VWA8: variants seen among roughly 807,000 people sequenced by gnomAD.
The protein encoded by VWA8 is von Willebrand factor A domain containing 8.
VWA8 carries 221 observed loss-of-function variants against 241.5 expected under a neutral mutation model. That is an observed-to-expected ratio of 0.91 (90% CI 0.82 to 1.02). VWA8 has a LOEUF of 1.02. Ranked by LOEUF, VWA8 falls within the 50% of genes least tolerant of loss-of-function variation. The probability of loss-of-function intolerance (pLI) is 0.00; values close to 1 mark genes in which losing one functional copy is unlikely to be tolerated. For missense variants in VWA8, 2,322 were observed against 2,328.7 expected, an observed-to-expected ratio of 1.00 and a Z score of 0.06; for synonymous variants, 852 against 827.1, an observed-to-expected ratio of 1.03 and a Z score of -0.52.
rs1254628937 is a variant in VWA8, at chr13:41,670,930, T to G, written c.4611+16A>C. The G allele has an allele frequency of 9.3e-6, 15 of 1,612,604 alleles. No homozygotes were observed. The highest frequency in any genetic ancestry group is 1.3e-5 in the Non-Finnish European group (15 of 1,179,610). On this transcript the variant is annotated intron_variant, in intron 37 of 44. Transcript: ENST00000379310. Reference sequence around the variant, plus strand: ...GAATGTGCACCTCTAAGAGATAAGGTGAATTCAAATGGTACCTGCATATTT... The same window carrying G: ...GAATGTGCACCTCTAAGAGATAAGGGGAATTCAAATGGTACCTGCATATTT...
intron 40 of VWA8, among the ~76,000 whole-genome samples, chr13:41,592,012 C>A (rs2044458351): frequency 6.7e-6 from 1 of 149,514 alleles, no homozygotes; most frequent in African/African-American, 2.5e-5. Context: ...AAGACACATG[C>A]ACACGTATGT....
At chr13:41,643,658 A>G (rs2044811560) in intron 37 of VWA8, among the ~76,000 whole-genome samples, 2 of 152,190 alleles carry the variant, frequency 1.3e-5, no homozygotes, top group African/African-American at 4.8e-5. Context: ...GTTGCTTGGT[A>G]TGTCCCTTAT....
chr13:41,606,132 TATCTC>T (rs1159258616), intron 39 of VWA8, among the ~76,000 whole-genome samples: 1 of 152,146 alleles, frequency 6.6e-6, no homozygotes, highest in African/African-American at 2.4e-5. Context: ...TCTGTGCTCT[TATCTC>T]ACTTCATTCC....
At chr13:41,728,335 T>G (rs1243169568) in intron 23 of VWA8, among the ~76,000 whole-genome samples, 1 of 152,060 alleles carries the variant, frequency 6.6e-6, no homozygotes, top group Non-Finnish European at 1.5e-5. Flanking sequence ...ATGAAAAATT[T>G]AAAAAGTAAA....
rs114351728 is a variant in VWA8 at position 41,861,805 on chromosome 13, A to G, written c.1425+3931T>C. Reference sequence around the variant, plus strand: ...ACACTGCTGAAAGAAATCAGAGATTAGACAAACAAGTGAAAAAAACATGCT... The same window carrying G: ...ACACTGCTGAAAGAAATCAGAGATTGGACAAACAAGTGAAAAAAACATGCT... On this transcript the variant is annotated intron_variant, in intron 12 of 44. Coordinates refer to ENST00000379310, the MANE Select transcript of VWA8 (RefSeq NM_015058.2). Among the ~76,000 whole-genome samples the G allele has an allele frequency of 9.2e-3, 1,400 of 152,340 alleles. 33 individuals are homozygous for G. Among genetic ancestry groups the G allele is most frequent in the African/African-American group, 0.03 (1,257 of 41,578 alleles).
chr13:41,801,574 T>G (rs114137384), intron 17 of VWA8, among the ~76,000 whole-genome samples: 1,674 of 152,336 alleles, frequency 0.011, 32 homozygotes, highest in African/African-American at 0.039. Context: ...CTGGAAATTG[T>G]TCTTAATCTT....
chr13:41,689,745 T>C (rs1222709130), intron 33 of VWA8, among the ~76,000 whole-genome samples: 22 of 152,130 alleles, frequency 1.4e-4, no homozygotes, highest in Admixed American at 1.4e-3. Context: ...ATAAATATTA[T>C]AATTAATAGC....
intron 4 of VWA8, among the ~76,000 whole-genome samples, chr13:41,905,856 C>A (rs1400987767): frequency 6.6e-6 from 1 of 152,046 alleles, no homozygotes; most frequent in Middle Eastern, 3.2e-3. Context: ...CATGATAATT[C>A]TGTTGTATGA....
intron 21 of VWA8, among the ~76,000 whole-genome samples, chr13:41,750,886 TAAAAA>T (rs72030945): frequency 7.0e-6 from 1 of 143,840 alleles, no homozygotes; most frequent in Non-Finnish European, 1.5e-5. Flanking sequence ...ACATATTTGA[TAAAAA>T]AAAAAAAAAA....
Position 41,883,383 on chromosome 13 carries a change from T to A in VWA8, c.1080+4A>T, listed in dbSNP as rs781150851. On this transcript the variant is annotated splice_donor_region_variant and intron_variant, in intron 9 of 44. Transcript: ENST00000379310. ...AAAGGAAAGAAAGGGAAGCAGACAC[T>A]CACCTTTAAAACACCTTCCACAGCC... 1 of 1,603,744 alleles carries A rather than the reference T, an allele frequency of 6.2e-7. No individual in the cohort carries two copies. The highest frequency in any genetic ancestry group is 8.5e-7 in the Non-Finnish European group (1 of 1,171,150).
At chr13:41,868,077 C>T (rs1251036776) in intron 10 of VWA8, among the ~76,000 whole-genome samples, 1 of 152,204 alleles carries the variant, frequency 6.6e-6, no homozygotes, top group Non-Finnish European at 1.5e-5. Context: ...ACCAAGGACT[C>T]ATAGCACAAA....
chr13:41,950,081 ATGCT>A, intron 1 of VWA8, 68 bp from the exon 2 acceptor site: 2 of 938,808 alleles, frequency 2.1e-6, no homozygotes, highest in Non-Finnish European at 3.2e-6. Context: ...CTATGCAACA[ATGCT>A]TGTCCTGACC....
rs929712682 is a variant in VWA8, at chr13:41,581,603, A to T, written c.5272-5765T>A. ...CTACTCACTGCCCCCCTCCACTGCC[A>T]AACATCCTTCAAAGGTTCTTGTTAC... On this transcript the variant is annotated intron_variant, in intron 42 of 44. Transcript: ENST00000379310. Among the ~76,000 whole-genome samples the T allele has an allele frequency of 2.6e-5, 4 of 152,236 alleles. 1 individual carries two copies. The highest frequency in any genetic ancestry group is 4.4e-5 in the Non-Finnish European group (3 of 68,036).
chr13:41,924,227 T>C (rs780510174), intron 2 of VWA8, among the ~76,000 whole-genome samples: 2 of 151,608 alleles, frequency 1.3e-5, no homozygotes, highest in Non-Finnish European at 2.9e-5. Flanking sequence ...AAGAACCAAA[T>C]AGAAATCTTG....
At chr13:41,925,870 AACACCCATACCC>A in intron 2 of VWA8, 1 of 337,216 alleles carries the variant, frequency 3.0e-6, no homozygotes, top group East Asian at 8.2e-5. Flanking sequence ...GTCAATGGGG[AACACCCATACCC>A]ACACAAGTTC....
intron 12 of VWA8, among the ~76,000 whole-genome samples, chr13:41,850,886 T>C (rs1872504650): frequency 2.0e-5 from 3 of 152,074 alleles, no homozygotes; most frequent in Admixed American, 2.0e-4. Flanking sequence ...CCTGACAAAG[T>C]ATTCAAAATG....
intron 2 of VWA8, among the ~76,000 whole-genome samples, chr13:41,914,457 G>A (rs1876159957): frequency 6.6e-6 from 1 of 151,986 alleles, no homozygotes; most frequent in African/African-American, 2.4e-5. Context: ...TTTTCTACTT[G>A]AAGCTTAAAT....
intron 21 of VWA8, among the ~76,000 whole-genome samples, chr13:41,745,042 A>G (rs1210120432): frequency 6.6e-6 from 1 of 151,802 alleles, no homozygotes; most frequent in Non-Finnish European, 1.5e-5. Context: ...GGGTTTCACC[A>G]TGTTAGCCAG....
intron 15 of VWA8, 92 bp downstream of exon 15, chr13:41,819,126 A>C (rs1870832279): frequency 7.3e-7 from 1 of 1,365,636 alleles, no homozygotes; most frequent in Non-Finnish European, 9.8e-7. Flanking sequence ...GAAAAAACTA[A>C]AAATGTCTAA....
Sources: gnomAD v4.1 joint callset for allele counts (sites outside exome capture counted in the v4.1 genomes callset) on GRCh38, gnomAD v4.1.1 for gene constraint, MANE v1.5 for transcripts, NCBI Gene and HGNC (gene_info 2026-07-23, HGNC 2026-07-21) for gene names.